Variants in DIS3L2 observed in about 807,000 individuals in gnomAD.
The protein encoded by DIS3L2 is DIS3-like exonuclease 2.
DIS3L2 carries 34 observed loss-of-function variants against 97.5 expected under a neutral mutation model. The ratio of observed to expected loss-of-function variants is 0.35; its 90% CI spans 0.27 to 0.46. DIS3L2 has a LOEUF of 0.46. Among genes scored for constraint, DIS3L2 ranks in the 20% least tolerant of loss-of-function variants. The pLI is 1.00. For missense variants in DIS3L2, 1,038 were observed against 1,146.0 expected (o/e 0.91, Z 1.36); for synonymous variants, 435 against 445.2 (o/e 0.98, Z 0.29).
At chr2:232,233,339 T>C (rs1047705159) in intron 10 of DIS3L2, among the ~76,000 whole-genome samples, 23 of 152,158 alleles carry the variant, frequency 1.5e-4, no homozygotes, top group African/African-American at 5.1e-4. Context: ...CACCTTCTCA[T>C]TGCGTCCTTA....
At chr2:232,204,476 C>A (rs758015570) in intron 9 of DIS3L2, among the ~76,000 whole-genome samples, 1 of 152,132 alleles carries the variant, frequency 6.6e-6, no homozygotes, top group East Asian at 1.9e-4. Context: ...CCTTCAGTCA[C>A]GTGCCTTCAG....
intron 1 of DIS3L2, among the ~76,000 whole-genome samples, chr2:231,968,891 C>T (rs180825370): frequency 3.4e-4 from 51 of 152,224 alleles, no homozygotes; most frequent in Admixed American, 2.6e-3. Flanking sequence ...CCCTACGTGT[C>T]GAGGGAGGGA....
At chr2:232,330,090 CCA>C (rs1418423653) in intron 15 of DIS3L2, 94 bp downstream of exon 15, 28 of 1,425,410 alleles carry the variant, frequency 2.0e-5, no homozygotes, top group Non-Finnish European at 2.5e-5. Context: ...CTGCTTCCCC[CCA>C]GAGTCCCTCC....
intron 14 of DIS3L2, among the ~76,000 whole-genome samples, chr2:232,312,055 C>G (rs1400445905): frequency 6.6e-6 from 1 of 152,084 alleles, no homozygotes; most frequent in Non-Finnish European, 1.5e-5. Flanking sequence ...TTCTGTTTTT[C>G]TTCTTGATTT....
intron 8 of DIS3L2, among the ~76,000 whole-genome samples, chr2:232,159,208 G>C (rs1690581861): frequency 6.6e-6 from 1 of 152,216 alleles, no homozygotes; most frequent in East Asian, 1.9e-4. Flanking sequence ...AACTAAGGCA[G>C]CTCTGGAAAG....
intron 1 of DIS3L2, among the ~76,000 whole-genome samples, chr2:231,986,743 G>C (rs1469053441): frequency 1.3e-5 from 2 of 152,198 alleles, no homozygotes; most frequent in Non-Finnish European, 2.9e-5. Flanking sequence ...GTAGAACCTG[G>C]ATTCAAACCT....
intron 5 of DIS3L2, among the ~76,000 whole-genome samples, chr2:232,043,599 A>G (rs537343838): frequency 1.3e-5 from 2 of 152,312 alleles, no homozygotes; most frequent in South Asian, 4.1e-4. Context: ...TAGAATTCAG[A>G]AGGAACCTGA....
intron 5 of DIS3L2, among the ~76,000 whole-genome samples, chr2:232,078,019 T>TTTTCTC (rs141287902): frequency 2.0e-3 from 187 of 94,794 alleles, no homozygotes; most frequent in Middle Eastern, 5.6e-3. Flanking sequence ...CTTTCTTTCT[T>TTTTCTC]TTTCTCTTTC....
chr2:232,210,942 G>A (rs1483896748), intron 10 of DIS3L2, among the ~76,000 whole-genome samples: 10 of 152,006 alleles, frequency 6.6e-5, no homozygotes, highest in Non-Finnish European at 4.4e-5. Context: ...GTTGAGAAAG[G>A]CAAACTGATA....
At chr2:232,208,019 C>T (rs1180406412) in intron 9 of DIS3L2, among the ~76,000 whole-genome samples, 2 of 151,966 alleles carry the variant, frequency 1.3e-5, no homozygotes, top group Non-Finnish European at 2.9e-5. Flanking sequence ...GTCGATCAAC[C>T]CTATGAATAT....
intron 10 of DIS3L2, among the ~76,000 whole-genome samples, chr2:232,217,463 C>T (rs976487080): frequency 3.0e-4 from 45 of 152,192 alleles, no homozygotes; most frequent in African/African-American, 8.9e-4. Context: ...TGATATTCTC[C>T]GCCTGGAGAT....
rs1457523057 is a variant in DIS3L2, at chr2:232,269,632, G to C, written c.1659+6192G>C. On this transcript the variant is annotated intron_variant, in intron 13 of 20. Transcript: ENST00000325385. This position sits in a 1 kb window ranked among gnomAD's most constrained non-coding sequence, Gnocchi z 4.5. ...GGAAGATTTTCCAGCAGAAGTAGTGGGGCATTAGGCCTTCTAAAAGACTTG... is the reference window on the plus strand; with the variant it reads ...GGAAGATTTTCCAGCAGAAGTAGTGCGGCATTAGGCCTTCTAAAAGACTTG... Among the ~76,000 whole-genome samples the C allele has an allele frequency of 6.6e-6, 1 of 152,074 alleles. No individual in the cohort carries two copies. The highest frequency in any genetic ancestry group is 2.4e-5 in the African/African-American group (1 of 41,396).
At position 232,281,817 on chromosome 2, in the gene DIS3L2, G is replaced by A. The variant is rs1574991583; in HGVS notation, c.1660-18223G>A. Among the ~76,000 whole-genome samples, 1 of 152,300 alleles carries A rather than the reference G, an allele frequency of 6.6e-6. No individual in the cohort carries two copies. The highest frequency in any genetic ancestry group is 2.4e-5 in the African/African-American group (1 of 41,556). ...CTTAAAGACGCTTGCCAGGTGGCTG[G>A]ACCGGAAGTCTGCTGCTCCTCTTCT... is the stretch of plus-strand genomic sequence containing the variant. On this transcript the variant is annotated intron_variant, in intron 13 of 20. Transcript: ENST00000325385. This position sits in a 1 kb window ranked among gnomAD's most constrained non-coding sequence, Gnocchi z 4.1.
intron 6 of DIS3L2, among the ~76,000 whole-genome samples, chr2:232,129,285 T>A (rs564036014): frequency 2.6e-5 from 4 of 152,312 alleles, no homozygotes; most frequent in African/African-American, 9.6e-5. Context: ...ACGCTTTGAT[T>A]TTTTTCCTCA....
At chr2:232,338,380 G>T (rs1696032164), downstream of DIS3L2, among the ~76,000 whole-genome samples, 2 of 152,222 alleles carry the variant, frequency 1.3e-5, no homozygotes, top group South Asian at 4.1e-4. Flanking sequence ...GAACAAGGGG[G>T]TTCCTGCTGC....
chr2:232,221,896 C>T (rs1310679599), intron 10 of DIS3L2, among the ~76,000 whole-genome samples: 1 of 152,092 alleles, frequency 6.6e-6, no homozygotes, highest in African/African-American at 2.4e-5. Context: ...CCCAGTGCTT[C>T]GAATGCTGTT....
intron 5 of DIS3L2, among the ~76,000 whole-genome samples, chr2:232,033,353 A>C (rs1466537700): frequency 2.0e-5 from 3 of 152,224 alleles, no homozygotes; most frequent in African/African-American, 7.2e-5. Flanking sequence ...GTTGCTTATC[A>C]ACTTAAGGAG....
intron 1 of DIS3L2, among the ~76,000 whole-genome samples, chr2:231,979,669 C>A (rs1006337641): frequency 2.6e-5 from 4 of 151,294 alleles, no homozygotes; most frequent in African/African-American, 9.7e-5. Flanking sequence ...CCTCTGCCTC[C>A]TGGGTTCAAG....
intron 5 of DIS3L2, among the ~76,000 whole-genome samples, chr2:232,075,946 A>T (rs1245672814): frequency 3.3e-5 from 5 of 152,228 alleles, no homozygotes; most frequent in African/African-American, 4.8e-5. Flanking sequence ...CATTTTAAAG[A>T]TAATGAAATT....
Sources: allele counts gnomAD v4.1 joint callset (sites outside exome capture counted in the v4.1 genomes callset), GRCh38; gene constraint gnomAD v4.1.1; non-coding constraint Gnocchi (gnomAD v3.1); transcripts MANE v1.5; gene names NCBI Gene and HGNC (gene_info 2026-07-23, HGNC 2026-07-21).